Variants in HEMK2 observed in about 807,000 individuals in gnomAD.
HEMK2 encodes methyltransferase HEMK2.
chr21:28,619,661 G>A, the HEMK2 span, among the ~76,000 whole-genome samples: 1 of 152,084 alleles, frequency 6.6e-6, no homozygotes. Context: ...TAAAAAAATT[G>A]TTTGGAGAGA....
At chr21:28,874,949 A>T in the HEMK2 span, 1 of 152,246 alleles carries the variant, frequency 6.6e-6, no homozygotes, top group Non-Finnish European at 1.5e-5. Flanking sequence ...CTGTCCTTCA[A>T]GGTAGCCCAG....
At chr21:28,610,831 G>A in the HEMK2 span, among the ~76,000 whole-genome samples, 8 of 152,224 alleles carry the variant, frequency 5.3e-5, no homozygotes, top group Admixed American at 3.3e-4. Flanking sequence ...AAACGGACTA[G>A]TCCAACAGAA....
chr21:28,861,567 G>A, the HEMK2 span, among the ~76,000 whole-genome samples: 1 of 152,154 alleles, frequency 6.6e-6, no homozygotes, highest in Non-Finnish European at 1.5e-5. Context: ...TTTATGCAGT[G>A]ATTCTCCCAT....
chr21:28,877,472 AGAG>A, the HEMK2 span, among the ~76,000 whole-genome samples: 14 of 151,342 alleles, frequency 9.3e-5, no homozygotes, highest in Non-Finnish European at 1.9e-4. Context: ...GAAAAAAAGA[AGAG>A]AAGAGAAAGA....
the HEMK2 span, among the ~76,000 whole-genome samples, chr21:28,685,230 A>G: frequency 1.3e-5 from 2 of 152,282 alleles, no homozygotes; most frequent in East Asian, 1.9e-4. Context: ...TGTTTTCCAT[A>G]TGTTAGATTT....
the HEMK2 span, among the ~76,000 whole-genome samples, chr21:28,588,679 A>T: frequency 6.6e-6 from 1 of 152,180 alleles, no homozygotes; most frequent in Non-Finnish European, 1.5e-5. Flanking sequence ...AGAAGAAAAG[A>T]GCTAAAAGGA....
At chr21:28,823,613 G>C in the HEMK2 span, among the ~76,000 whole-genome samples, 1 of 152,084 alleles carries the variant, frequency 6.6e-6, no homozygotes, top group East Asian at 1.9e-4. Context: ...TTCCAACTGG[G>C]TAAGGATCTG....
the HEMK2 span, among the ~76,000 whole-genome samples, chr21:28,788,308 A>G: frequency 6.6e-6 from 1 of 151,562 alleles, no homozygotes; most frequent in African/African-American, 2.4e-5. Context: ...ACACACATAT[A>G]TATGTGTATA....
At chr21:28,751,684 T>C in the HEMK2 span, among the ~76,000 whole-genome samples, 1 of 152,218 alleles carries the variant, frequency 6.6e-6, no homozygotes, top group Non-Finnish European at 1.5e-5. Flanking sequence ...TTTTTGTTTG[T>C]TTGTTTGTTT....
At chr21:28,628,272 G>C in the HEMK2 span, among the ~76,000 whole-genome samples, 1 of 151,990 alleles carries the variant, frequency 6.6e-6, no homozygotes. Flanking sequence ...TAATAGTATT[G>C]ATATTTTAAA....
chr21:28,732,425 C>A, the HEMK2 span, among the ~76,000 whole-genome samples: 2 of 152,224 alleles, frequency 1.3e-5, no homozygotes, highest in Non-Finnish European at 2.9e-5. Context: ...GATAATACAG[C>A]ATGTGCTGGC....
the HEMK2 span, among the ~76,000 whole-genome samples, chr21:28,634,820 C>T: frequency 1.3e-5 from 2 of 152,166 alleles, no homozygotes; most frequent in Non-Finnish European, 1.5e-5. Flanking sequence ...AAGTTTCTAG[C>T]TCAGTGACTG....
chr21:28,791,495 A>G, the HEMK2 span, among the ~76,000 whole-genome samples: 4 of 152,200 alleles, frequency 2.6e-5, no homozygotes, highest in Non-Finnish European at 4.4e-5. Flanking sequence ...GAGTGGGGCT[A>G]AGGTAAGCTG....
chr21:28,651,463 A>G, the HEMK2 span, among the ~76,000 whole-genome samples: 1 of 152,228 alleles, frequency 6.6e-6, no homozygotes, highest in Non-Finnish European at 1.5e-5. Context: ...AACAGAATAG[A>G]AATAAAACAG....
At chr21:28,861,627 T>C in the HEMK2 span, among the ~76,000 whole-genome samples, 1 of 152,234 alleles carries the variant, frequency 6.6e-6, no homozygotes, top group African/African-American at 2.4e-5. Flanking sequence ...TCTTACCATG[T>C]TCCCCATCAT....
chr21:28,878,351 G>T, the HEMK2 span: 1 of 1,610,992 alleles, frequency 6.2e-7, no homozygotes, highest in Non-Finnish European at 8.5e-7. Context: ...CAATTAGAAA[G>T]AATGTTTTCT....
the HEMK2 span, among the ~76,000 whole-genome samples, chr21:28,659,811 C>G: frequency 6.6e-6 from 1 of 151,990 alleles, no homozygotes; most frequent in Admixed American, 6.6e-5. Context: ...GGTCTCTTGC[C>G]TTTCACACAA....
the HEMK2 span, chr21:28,885,319 C>A: frequency 1.7e-5 from 27 of 1,587,366 alleles, no homozygotes; most frequent in East Asian, 6.0e-4. Flanking sequence ...GCCCGTGGAA[C>A]GGCGTAGCGA....
At chr21:28,878,931 A>T in the HEMK2 span, among the ~76,000 whole-genome samples, 1 of 148,084 alleles carries the variant, frequency 6.8e-6, no homozygotes, top group Non-Finnish European at 1.5e-5. Flanking sequence ...TTATATTTAT[A>T]TATTATTAAA....
Sources: gnomAD v4.1 joint callset for allele counts (sites outside exome capture counted in the v4.1 genomes callset) on GRCh38, gnomAD v4.1.1 for gene constraint, MANE v1.5 for transcripts, NCBI Gene and HGNC (gene_info 2026-07-23, HGNC 2026-07-21) for gene names.